FAH: variants seen among roughly 807,000 people sequenced by gnomAD.
The protein encoded by FAH is fumarylacetoacetase.
Under a neutral mutation model 55.8 loss-of-function variants are expected in FAH, and 47 were observed. The observed-to-expected ratio is 0.84, with a 90% CI of 0.67 to 1.07. The LOEUF is 1.07. Ranked by LOEUF, FAH falls within the 50% of genes least tolerant of loss-of-function variation. The pLI is 0.00. For missense variants in FAH, 495 were observed against 545.9 expected (o/e 0.91, Z 0.93); for synonymous variants, 199 against 207.7 (o/e 0.96, Z 0.36).
At chr15:80,172,955 G>C in intron 8 of FAH, 59 bp from the exon 9 acceptor site, 1 of 1,613,112 alleles carries the variant, frequency 6.2e-7, no homozygotes. Flanking sequence ...GCAGGAGGGG[G>C]TCGTTGGGAG....
At chr15:80,172,336 A>T in intron 8 of FAH, 88 bp downstream of exon 8, 2 of 987,906 alleles carry the variant, frequency 2.0e-6, no homozygotes, top group Non-Finnish European at 3.2e-6. Flanking sequence ...GATCTGGTGC[A>T]GGTCAAAAGT....
chr15:80,172,911 G>A, intron 8 of FAH, 103 bp from the exon 9 acceptor site: 1 of 1,470,182 alleles, frequency 6.8e-7, no homozygotes. Context: ...TTGTGGAGAT[G>A]GCAGTGCTAG....
chr15:80,158,003 T>G, intron 1 of FAH, 57 bp from the exon 2 acceptor site: 2 of 1,331,206 alleles, frequency 1.5e-6, no homozygotes, highest in East Asian at 2.3e-5. Flanking sequence ...TCTGAGTAAA[T>G]GAGCCAAGCC....
At chr15:80,176,326 C>A (rs1459239005) in intron 10 of FAH, among the ~76,000 whole-genome samples, 3 of 152,216 alleles carry the variant, frequency 2.0e-5, no homozygotes, top group Non-Finnish European at 2.9e-5. Flanking sequence ...AGCTCCATTT[C>A]TTTCTTCTGT....
intron 7 of FAH, among the ~76,000 whole-genome samples, chr15:80,169,140 T>C (rs2041219609): frequency 6.6e-6 from 1 of 152,170 alleles, no homozygotes; most frequent in Non-Finnish European, 1.5e-5. Context: ...CCCAGCACTT[T>C]GGGAGGCTGA....
At chr15:80,178,594 T>C (rs2041303586) in intron 11 of FAH, among the ~76,000 whole-genome samples, 1 of 151,590 alleles carries the variant, frequency 6.6e-6, no homozygotes, top group Admixed American at 6.6e-5. Flanking sequence ...TTAATTTTTT[T>C]TTTTTTTTGA....
intron 5 of FAH, chr15:80,163,796 G>A (rs895658451): frequency 3.9e-5 from 6 of 152,172 alleles, no homozygotes; most frequent in African/African-American, 1.4e-4. Flanking sequence ...AAGCACCAGT[G>A]GGTTGTATCC....
chr15:80,159,651 A>G, intron 2 of FAH, 105 bp from the exon 3 acceptor site: 1 of 1,309,064 alleles, frequency 7.6e-7, no homozygotes, highest in Non-Finnish European at 1.1e-6. Context: ...AGTTAGCGGG[A>G]GAGAAGTGGC....
chr15:80,162,339 A>G lies in FAH; in HGVS notation c.455+3A>G, dbSNP rs779426726. On this transcript the variant is annotated splice_donor_region_variant and intron_variant, in intron 5 of 13. Transcript: ENST00000561421. ...GAGAATGCGTTGATGCCAAATTGGT[A>G]TGAACTGGGCCAAATGTCTGCATAA... 1 of 1,611,468 alleles carries G rather than the reference A, an allele frequency of 6.2e-7. No individual in the cohort carries two copies. The highest frequency in any genetic ancestry group is 8.5e-7 in the Non-Finnish European group (1 of 1,177,524).
rs770312290 is a variant in FAH, at chr15:80,158,145, C to T, written c.167C>T (p.Ser56Phe). The change falls in exon 2 of 14, where the codon TCC becomes TTC. Residue 56 changes from serine (S) to phenylalanine (F), a missense_variant. Ser to Phe is a radical substitution (Grantham distance 155, BLOSUM62 -2). Transcript: ENST00000561421. Reference protein sequence around the residue: ...IKHLFTGPVLSKHQDVFNQPT... With the variant: ...IKHLFTGPVLFKHQDVFNQPT... ...CACCTCTTTACTGGTCCTGTCCTCT[C>T]CAAACACCAGGATGTCTTCAATCAG... 1.2e-6 allele frequency: 2 copies of T among 1,613,862 alleles called. No homozygotes were observed. The highest frequency in any genetic ancestry group is 1.7e-6 in the Non-Finnish European group (2 of 1,179,706).
intron 1 of FAH, among the ~76,000 whole-genome samples, chr15:80,155,638 G>T (rs2041091874): frequency 6.6e-6 from 1 of 152,148 alleles, no homozygotes. Context: ...TGGGCCCGGG[G>T]CACTGCTACC....
Position 80,159,857 on chromosome 15 carries a change from T to G in FAH, c.294T>G (p.Asp98Glu). ...LLSVSQARLR[D>E]DTELRKCAFI... ...CTGTGAGCCAAGCCAGGCTCAGAGA[T>G]GACACCGAACTTCGGAAGTGGTGAG... The change falls in exon 3 of 14, where the codon GAT (aspartate) becomes GAG (glutamate). Residue 98 changes from aspartate (D) to glutamate (E), a missense_variant. By Grantham distance (45) the Asp-to-Glu change is conservative. Coordinates refer to ENST00000561421, the MANE Select transcript of FAH (RefSeq NM_000137.4). 6.2e-7 allele frequency: 1 copy of G among 1,614,216 alleles called. No homozygotes were observed. Among genetic ancestry groups the G allele is most frequent in the Non-Finnish European group, 8.5e-7 (1 of 1,180,038 alleles).
At position 80,159,762 on chromosome 15, in the gene FAH, C is replaced by T; in HGVS notation, c.199C>T (p.Leu67Phe). The T allele has an allele frequency of 1.9e-6, 3 of 1,614,216 alleles. No individual in the cohort carries two copies. Among genetic ancestry groups the T allele is most frequent in the Non-Finnish European group, 2.5e-6 (3 of 1,180,034 alleles). Residue 67 changes from leucine to phenylalanine, a missense_variant, in exon 3 of 14, where the codon CTC (leucine) becomes TTC (phenylalanine). Leu to Phe is a conservative substitution (Grantham distance 22). Coordinates refer to ENST00000561421, the MANE Select transcript of FAH (RefSeq NM_000137.4). ...CTCCCTGTTTTGGTCTTAGCCTACACTCAACAGCTTCATGGGCCTGGGTCA... is the reference window on the plus strand; with the variant it reads ...CTCCCTGTTTTGGTCTTAGCCTACATTCAACAGCTTCATGGGCCTGGGTCA... ...KHQDVFNQPTLNSFMGLGQAA... is the reference protein window; with the variant it reads ...KHQDVFNQPTFNSFMGLGQAA...
chr15:80,180,326 C>T lies in FAH; in HGVS notation c.1062+101C>T. Reference sequence around the variant, plus strand: ...TCAGCCTCGAGAAGAGATTTCAGGCCCGAGGTGGGTGTATCTCACAACTCT... The same window carrying T: ...TCAGCCTCGAGAAGAGATTTCAGGCTCGAGGTGGGTGTATCTCACAACTCT... On this transcript the variant is annotated intron_variant, in intron 12 of 13. Transcript: ENST00000561421. 3.3e-6 allele frequency: 3 copies of T among 896,516 alleles called. No individual in the cohort carries two copies. In the Admixed American group the frequency reaches 5.8e-5, roughly 17 times the overall value. The allele number at this position is 896,516 out of a possible 1,614,324, so 55.5% of individuals were successfully genotyped here.
intron 5 of FAH, among the ~76,000 whole-genome samples, chr15:80,165,252 G>A (rs1441435027): frequency 1.3e-5 from 2 of 151,684 alleles, no homozygotes; most frequent in East Asian, 3.9e-4. Flanking sequence ...TTAGCAGCCA[G>A]GCGTGGTGGC....
chr15:80,180,665 G>C (rs1595897580), intron 12 of FAH, among the ~76,000 whole-genome samples: 2 of 152,262 alleles, frequency 1.3e-5, no homozygotes, highest in East Asian at 3.9e-4. Flanking sequence ...ACTTCCTGCA[G>C]GGGGCTGGCC....
rs781011181 is a variant in FAH at position 80,172,180 on chromosome 15, G to A, written c.638G>A (p.Gly213Glu). 14 of 1,614,022 alleles carry A rather than the reference G, an allele frequency of 8.7e-6. No homozygotes were observed. Among genetic ancestry groups the A allele is most frequent in the Non-Finnish European group, 1.2e-5 (14 of 1,180,014 alleles). Residue 213 changes from glycine (G) to glutamate (E), a missense_variant, in exon 8 of 14, where the codon GGA (glycine) becomes GAA (glutamate). Physicochemically the swap from Gly to Glu is moderately conservative, Grantham distance 98. Coordinates refer to ENST00000561421, the MANE Select transcript of FAH (RefSeq NM_000137.4). Reference protein sequence around the residue: ...AFFVGPGNRLGEPIPISKAHE... With the variant: ...AFFVGPGNRLEEPIPISKAHE... The stretch of plus-strand genomic sequence containing the variant: ...TTTGTAGGCCCTGGAAACAGATTGG[G>A]AGAGCCGATCCCCATTTCCAAGGCC...
chr15:80,171,969 T>A (rs2041244715), intron 7 of FAH, among the ~76,000 whole-genome samples, 180 bp from the exon 8 acceptor site: 1 of 152,206 alleles, frequency 6.6e-6, no homozygotes. Flanking sequence ...CACTGCACTC[T>A]GCTTTCCTGA....
rs574594580 is a variant in FAH at position 80,155,859 on chromosome 15, A to C, written c.82-2201A>C. 72 of 466,078 alleles carry C rather than the reference A, an allele frequency of 1.5e-4. No individual in the cohort carries two copies. In the East Asian group the frequency reaches 4.3e-3, roughly 28 times the overall value. 28.9% of individuals were successfully genotyped at this position (466,078 alleles called of 1,614,324 possible). ...CATAAGTCAGCATTTTCTTCTATGC[A>C]CTTATAAGAAAGATCAAAGACTTTA... On this transcript the variant is annotated intron_variant, in intron 1 of 13. Transcript: ENST00000561421.
Sources: allele counts gnomAD v4.1 joint callset (sites outside exome capture counted in the v4.1 genomes callset), GRCh38; gene constraint gnomAD v4.1.1; transcripts MANE v1.5; gene names NCBI Gene and HGNC (gene_info 2026-07-23, HGNC 2026-07-21).